The following TANC1 variants were observed in gnomAD, a reference collection of about 807,000 sequenced individuals.
TANC1 encodes the protein tetratricopeptide repeat, ankyrin repeat and coiled-coil containing 1.
In TANC1, 77 loss-of-function variants were observed where a neutral mutation model predicts 149.7. The ratio of observed to expected loss-of-function variants is 0.51; its 90% CI spans 0.43 to 0.62. The LOEUF (loss-of-function observed/expected upper bound fraction) is 0.62. TANC1 is among the 20% of genes least tolerant of loss of function. The pLI, the probability that TANC1 is intolerant of heterozygous loss-of-function variation, is 0.00. For missense variants in TANC1, 1,985 were observed against 2,321.8 expected (o/e 0.85, Z 2.98); for synonymous variants, 854 against 925.0 (o/e 0.92, Z 1.39).
chr2:159,146,969 T>C (rs1419519244), intron 5 of TANC1, among the ~76,000 whole-genome samples: 4 of 150,338 alleles, frequency 2.7e-5, no homozygotes, highest in Non-Finnish European at 4.4e-5. Context: ...GATCCTGGAG[T>C]ATCTGTTTGC....
chr2:159,134,303 G>A (rs896015590), intron 4 of TANC1, among the ~76,000 whole-genome samples: 23 of 152,056 alleles, frequency 1.5e-4, no homozygotes, highest in African/African-American at 4.6e-4. Context: ...AACAGAATAG[G>A]CAGTATTTTC....
At position 159,179,079 on chromosome 2, in the gene TANC1, C is replaced by G; in HGVS notation, c.2426C>G (p.Thr809Ser). 1 of 1,613,878 alleles carries G rather than the reference C, an allele frequency of 6.2e-7. No homozygotes were observed. The highest frequency in any genetic ancestry group is 8.5e-7 in the Non-Finnish European group (1 of 1,180,000). The change falls in exon 14 of 27, where the codon ACC (threonine) becomes AGC (serine). Residue 809 changes from threonine to serine, a missense_variant. By Grantham distance (58) the Thr-to-Ser change is moderately conservative. This residue lies in a region of TANC1 where 508 missense variants were observed against 714.2 expected (regional missense o/e 0.71). Coordinates refer to ENST00000263635, the MANE Select transcript of TANC1 (RefSeq NM_033394.3). ...TTCCTCATTAAGAGGCGAGACAAAACCCGCATGTTCTGCCACCCGTCCTTC... is the reference window on the plus strand; with the variant it reads ...TTCCTCATTAAGAGGCGAGACAAAAGCCGCATGTTCTGCCACCCGTCCTTC... Reference protein sequence around the residue: ...SCFLIKRRDKTRMFCHPSFRE... With the variant: ...SCFLIKRRDKSRMFCHPSFRE...
At chr2:159,105,439 C>T (rs1379668425) in intron 4 of TANC1, among the ~76,000 whole-genome samples, 1 of 152,160 alleles carries the variant, frequency 6.6e-6, no homozygotes. Context: ...ATTACACTCA[C>T]GTTGTTGTAC....
At chr2:159,068,986 T>G (rs971996319) in intron 3 of TANC1, among the ~76,000 whole-genome samples, 2 of 152,144 alleles carry the variant, frequency 1.3e-5, no homozygotes, top group African/African-American at 2.4e-5. Context: ...AGTGATCCAC[T>G]CGCCTCGGCC....
chr2:159,217,838 A>G (rs931496550), intron 20 of TANC1, among the ~76,000 whole-genome samples: 2 of 152,246 alleles, frequency 1.3e-5, no homozygotes, highest in Non-Finnish European at 2.9e-5. Context: ...AGGCTGCTCA[A>G]GGCTGAGCTA....
rs2046270075 is a variant in TANC1 at position 159,097,641 on chromosome 2, T to C, written c.66T>C (p.Ser22=). The C allele has an allele frequency of 6.2e-7, 1 of 1,613,312 alleles. No individual in the cohort carries two copies. The highest frequency in any genetic ancestry group is 8.5e-7 in the Non-Finnish European group (1 of 1,179,404). Residue 22 remains serine (S), a synonymous_variant, in exon 4 of 27, where the codon AGT becomes AGC. Coordinates refer to ENST00000263635, the MANE Select transcript of TANC1 (RefSeq NM_033394.3). ...GGKGGKKEAG[S]DFGPETSPVL... ...AGTATTCTCTCTCTACTCTAGGAAGTGACTTTGGTCCAGAGACTTCTCCAG... is the reference window on the plus strand; with the variant it reads ...AGTATTCTCTCTCTACTCTAGGAAGCGACTTTGGTCCAGAGACTTCTCCAG...
chr2:159,074,099 G>A (rs1375475908), intron 3 of TANC1, among the ~76,000 whole-genome samples: 1 of 152,194 alleles, frequency 6.6e-6, no homozygotes, highest in African/African-American at 2.4e-5. Flanking sequence ...CGCAGCATCT[G>A]TGTGTCTTCT....
At chr2:159,040,000 G>T (rs2040502660) in intron 2 of TANC1, among the ~76,000 whole-genome samples, 1 of 152,136 alleles carries the variant, frequency 6.6e-6, no homozygotes, top group African/African-American at 2.4e-5. Flanking sequence ...CTCTTTGTAG[G>T]TCTCTAAGGA....
Position 159,174,957 on chromosome 2 carries a change from T to A in TANC1, c.1508T>A (p.Val503Glu). ...DAVKYLASKV[V>E]AYHYCQADNT... ...GACGGTTCTGCTTCCCCCTAGGTGG[T>A]GGCCTACCACTACTGCCAGGCTGAC... is the stretch of plus-strand genomic sequence containing the variant. Residue 503 changes from valine to glutamate, a missense_variant, in exon 12 of 27, where the codon GTG becomes GAG. Val to Glu is a moderately radical substitution (Grantham distance 121). Coordinates refer to ENST00000263635, the MANE Select transcript of TANC1 (RefSeq NM_033394.3). 1 of 1,613,290 alleles carries A rather than the reference T, an allele frequency of 6.2e-7. No homozygotes were observed. Among genetic ancestry groups the A allele is most frequent in the Non-Finnish European group, 8.5e-7 (1 of 1,179,396 alleles).
At chr2:159,215,398 CT>C (rs1404558026) in intron 19 of TANC1, among the ~76,000 whole-genome samples, 18 of 152,192 alleles carry the variant, frequency 1.2e-4, no homozygotes, top group Non-Finnish European at 2.5e-4. Flanking sequence ...GGTTTGCCGC[CT>C]TTTGTTTATG....
At chr2:159,073,810 C>T (rs1272764357) in intron 3 of TANC1, among the ~76,000 whole-genome samples, 3 of 152,180 alleles carry the variant, frequency 2.0e-5, no homozygotes, top group Admixed American at 6.5e-5. Flanking sequence ...TTCTATCCTA[C>T]AGGAATGTAA....
At chr2:159,046,547 G>C (rs2041056264) in intron 2 of TANC1, among the ~76,000 whole-genome samples, 1 of 126,646 alleles carries the variant, frequency 7.9e-6, no homozygotes, top group Non-Finnish European at 1.8e-5. Flanking sequence ...CATCAAAGCT[G>C]TCTCTTCTGG....
chr2:159,033,046 C>T (rs1470564502), intron 2 of TANC1, among the ~76,000 whole-genome samples: 3 of 152,252 alleles, frequency 2.0e-5, no homozygotes, highest in East Asian at 1.9e-4. Context: ...TTGGCCGGTC[C>T]GTCAGCCACT....
intron 19 of TANC1, among the ~76,000 whole-genome samples, chr2:159,210,876 A>ATTTTT: frequency 8.7e-6 from 1 of 114,724 alleles, no homozygotes; most frequent in African/African-American, 3.4e-5. Flanking sequence ...TGATCTTTTA[A>ATTTTT]TTTTTTTTTT....
At chr2:159,097,925 G>T in intron 4 of TANC1, 91 bp downstream of exon 4, 1 of 1,131,410 alleles carries the variant, frequency 8.8e-7, no homozygotes, top group Non-Finnish European at 1.3e-6. Context: ...AATCTTCTGG[G>T]ACAATGTTTT....
chr2:159,127,594 A>G (rs995456461), intron 4 of TANC1, among the ~76,000 whole-genome samples: 1 of 152,276 alleles, frequency 6.6e-6, no homozygotes, highest in African/African-American at 2.4e-5. Context: ...AGTGTAGTAC[A>G]TATACACCAT....
At position 159,130,763 on chromosome 2, in the gene TANC1, A is replaced by G. The variant is rs185381516; in HGVS notation, c.260-5431A>G. On this transcript the variant is annotated intron_variant, in intron 4 of 26. Coordinates refer to ENST00000263635, the MANE Select transcript of TANC1 (RefSeq NM_033394.3). ...AAAGAGACAGGGTTGGCACAATCAT[A>G]GCTCATTGCAGCCTCGAACTCCTGG... is the stretch of plus-strand genomic sequence containing the variant. Among the ~76,000 whole-genome samples the G allele has an allele frequency of 7.2e-5, 11 of 152,238 alleles. No homozygotes were observed. The East Asian group carries it at 1.5e-3, about 21-fold the overall frequency.
Position 159,097,494 on chromosome 2 carries a change from G to A in TANC1, c.62-143G>A, listed in dbSNP as rs183063096. The A allele has an allele frequency of 3.8e-5, 25 of 660,336 alleles. No individual in the cohort carries two copies. In the African/African-American group the frequency reaches 3.8e-4, roughly 10 times the overall value. 40.9% of individuals were successfully genotyped at this position (660,336 alleles called of 1,614,324 possible). A position where few individuals can be genotyped will look rare whatever the true frequency, so the allele number is the denominator to read the frequency against. On this transcript the variant is annotated intron_variant, in intron 3 of 26. Transcript: ENST00000263635. ...CAGGGTAAAAAGTTTCAAGAGTAGT[G>A]GGGGAAAAGTCATTTAAAAAAATTC... is the stretch of plus-strand genomic sequence containing the variant.
intron 19 of TANC1, among the ~76,000 whole-genome samples, chr2:159,208,519 T>G (rs1273478149): frequency 6.6e-6 from 1 of 152,248 alleles, no homozygotes; most frequent in African/African-American, 2.4e-5. Flanking sequence ...GTGTTCTGGT[T>G]ACCCAGATTT....
Sources: gnomAD v4.1 joint callset for allele counts (sites outside exome capture counted in the v4.1 genomes callset) on GRCh38, gnomAD v4.1.1 for gene constraint, gnomAD v4.1.1 regional missense constraint, MANE v1.5 for transcripts, NCBI Gene and HGNC (gene_info 2026-07-23, HGNC 2026-07-21) for gene names.